The following UGT1A9 variants were observed in gnomAD, a reference collection of about 807,000 sequenced individuals.
The protein encoded by UGT1A9 is UDP-glucuronosyltransferase 1A9.
Under a neutral mutation model 45.0 loss-of-function variants are expected in UGT1A9, and 35 were observed. That is an observed-to-expected ratio of 0.78 (90% CI 0.59 to 1.03). The LOEUF is 1.03. Ranked by LOEUF, UGT1A9 falls within the 50% of genes least tolerant of loss-of-function variation. The pLI is 0.00. For missense variants in UGT1A9, 687 were observed against 666.6 expected (o/e 1.03, Z -0.34); for synonymous variants, 278 against 250.6 (o/e 1.11, Z -1.03).
chr2:233,724,277 C>T (rs1162056701), intron 1 of UGT1A9, among the ~76,000 whole-genome samples: 28 of 115,674 alleles, frequency 2.4e-4, no homozygotes, highest in Admixed American at 3.4e-4. Flanking sequence ...GGCGGCTGGC[C>T]GGGCGGGGGG....
chr2:233,680,974 G>T (rs2074504580), intron 1 of UGT1A9, among the ~76,000 whole-genome samples: 1 of 151,968 alleles, frequency 6.6e-6, no homozygotes, highest in African/African-American at 2.4e-5. Flanking sequence ...AGGGTCCATG[G>T]AGGCAGGGTT....
intron 1 of UGT1A9, among the ~76,000 whole-genome samples, chr2:233,728,307 G>A (rs539087597): frequency 3.9e-5 from 6 of 152,202 alleles, no homozygotes; most frequent in Admixed American, 1.3e-4. Context: ...GACTGTGCAA[G>A]ATCTGAGGCC....
chr2:233,767,244 T>A, intron 2 of UGT1A9, 79 bp downstream of exon 2: 13 of 1,606,204 alleles, frequency 8.1e-6, no homozygotes, highest in Non-Finnish European at 1.1e-5. Context: ...CCAGATTAAT[T>A]CTCTTAATTG....
intron 1 of UGT1A9, among the ~76,000 whole-genome samples, chr2:233,684,869 T>C (rs1424684348): frequency 6.6e-6 from 1 of 152,196 alleles, no homozygotes; most frequent in Non-Finnish European, 1.5e-5. Context: ...TCTTGTTTCA[T>C]ATGGGCAGGG....
At chr2:233,718,632 C>T in intron 1 of UGT1A9, 1 of 1,448,466 alleles carries the variant, frequency 6.9e-7, no homozygotes, top group Non-Finnish European at 9.3e-7. Flanking sequence ...TGGTCTTTCC[C>T]AGGGTTGGGC....
chr2:233,762,963 G>A (rs1465614269), intron 1 of UGT1A9, among the ~76,000 whole-genome samples: 1 of 152,144 alleles, frequency 6.6e-6, no homozygotes, highest in East Asian at 1.9e-4. Flanking sequence ...TAGGAAAGAT[G>A]CCCGTCTTGC....
chr2:233,707,493 C>T (rs900860981), intron 1 of UGT1A9, among the ~76,000 whole-genome samples: 5 of 148,778 alleles, frequency 3.4e-5, no homozygotes, highest in African/African-American at 4.9e-5. Context: ...TTACCTGTTT[C>T]GGTACTTAAC....
chr2:233,700,383 C>T (rs953707626), intron 1 of UGT1A9, among the ~76,000 whole-genome samples: 19 of 152,264 alleles, frequency 1.2e-4, no homozygotes, highest in African/African-American at 4.6e-4. Flanking sequence ...CATTTCCAGG[C>T]ATGTGGAACA....
intron 1 of UGT1A9, chr2:233,713,570 T>C: frequency 6.2e-7 from 1 of 1,613,974 alleles, no homozygotes; most frequent in Non-Finnish European, 8.5e-7. Context: ...CTTCCTCCTA[T>C]ATTCCTAGAT....
intron 1 of UGT1A9, among the ~76,000 whole-genome samples, chr2:233,724,182 C>A (rs1411199563): frequency 3.3e-5 from 4 of 119,646 alleles, no homozygotes; most frequent in African/African-American, 7.6e-5. Flanking sequence ...ATCTCCCTCC[C>A]GGACGGGGTG....
intron 1 of UGT1A9, among the ~76,000 whole-genome samples, chr2:233,763,113 C>T (rs529760384): frequency 4.9e-4 from 74 of 152,338 alleles, no homozygotes; most frequent in African/African-American, 1.7e-3. Flanking sequence ...ACTTTATCAG[C>T]TGCCTTTCTG....
chr2:233,757,927 A>C (rs1242249137), intron 1 of UGT1A9, among the ~76,000 whole-genome samples: 4 of 152,044 alleles, frequency 2.6e-5, no homozygotes, highest in African/African-American at 9.7e-5. Flanking sequence ...GCAGCCCCCA[A>C]AGCAAGACCA....
intron 1 of UGT1A9, among the ~76,000 whole-genome samples, chr2:233,720,305 G>A (rs1333507011): frequency 1.3e-5 from 2 of 152,288 alleles, no homozygotes; most frequent in African/African-American, 2.4e-5. Context: ...TGGGGGTCTG[G>A]TGTATGATGT....
chr2:233,739,091 C>T (rs1027086038), intron 1 of UGT1A9: 13 of 152,212 alleles, frequency 8.5e-5, no homozygotes, highest in Admixed American at 1.3e-4. Flanking sequence ...TTGGCAGCAT[C>T]GATGTGGTGT....
intron 1 of UGT1A9, among the ~76,000 whole-genome samples, chr2:233,707,191 C>A (rs976926305): frequency 6.6e-6 from 1 of 152,094 alleles, no homozygotes; most frequent in Non-Finnish European, 1.5e-5. Flanking sequence ...GCCTGCCCTC[C>A]GTTCTATTCC....
Position 233,672,119 on chromosome 2 carries a change from T to C in UGT1A9, c.185T>C (p.Val62Ala), listed in dbSNP as rs752186883. Residue 62 changes from valine (V) to alanine (A), a missense_variant, in exon 1 of 5, where the codon GTG (valine) becomes GCG (alanine). By Grantham distance (64) the Val-to-Ala change is moderately conservative (BLOSUM62 0). Coordinates refer to ENST00000354728, the MANE Select transcript of UGT1A9 (RefSeq NM_021027.3). ...GAGGTGGTTGTAGTCATGCCAGAGGTGAGTTGGCAACTGGGAAGATCACTG... is the reference window on the plus strand; with the variant it reads ...GAGGTGGTTGTAGTCATGCCAGAGGCGAGTTGGCAACTGGGAAGATCACTG... ...GHEVVVVMPEVSWQLGRSLNC... is the reference protein window; with the variant it reads ...GHEVVVVMPEASWQLGRSLNC... 26 of 1,614,012 alleles carry C rather than the reference T, an allele frequency of 1.6e-5. No individual in the cohort carries two copies. In the South Asian group the frequency reaches 2.4e-4, roughly 15 times the overall value.
rs564881528 is a variant in UGT1A9, at chr2:233,676,440, T to C, written c.855+3651T>C. On this transcript the variant is annotated intron_variant, in intron 1 of 4. Coordinates refer to ENST00000354728, the MANE Select transcript of UGT1A9 (RefSeq NM_021027.3). ...TTCCACCATTGTTAAATCTCATGTT[T>C]CTATGGCACATCCATCACAACTCAT... Among the ~76,000 whole-genome samples, 5 of 152,348 alleles carry C rather than the reference T, an allele frequency of 3.3e-5. No homozygotes were observed. In the South Asian group the frequency reaches 1.0e-3, roughly 32 times the overall value.
At chr2:233,717,118 A>C (rs1390690022) in intron 1 of UGT1A9, among the ~76,000 whole-genome samples, 1 of 152,100 alleles carries the variant, frequency 6.6e-6, no homozygotes, top group Non-Finnish European at 1.5e-5. Context: ...ACACCACTAC[A>C]TGGAAATAGA....
At chr2:233,705,912 A>C (rs2075878682) in intron 1 of UGT1A9, among the ~76,000 whole-genome samples, 1 of 152,094 alleles carries the variant, frequency 6.6e-6, no homozygotes, top group Non-Finnish European at 1.5e-5. Context: ...AAATAGTGAA[A>C]CTCCTTCTCT....
Sources: gnomAD v4.1 joint callset for allele counts (sites outside exome capture counted in the v4.1 genomes callset) on GRCh38, gnomAD v4.1.1 for gene constraint, MANE v1.5 for transcripts, NCBI Gene and HGNC (gene_info 2026-07-23, HGNC 2026-07-21) for gene names.